AOPEP: variants seen among roughly 807,000 people sequenced by gnomAD.
AOPEP encodes aminopeptidase O (putative).
AOPEP carries 77 observed loss-of-function variants against 98.1 expected under a neutral mutation model. That is an observed-to-expected ratio of 0.78 (90% CI 0.65 to 0.95). The LOEUF is 0.95. AOPEP is among the 40% of genes least tolerant of loss of function. AOPEP has a pLI of 0.00. For synonymous variants in AOPEP, 346 were observed against 365.3 expected (o/e 0.95, Z 0.60); for missense variants, 1,024 against 1,024.7 (o/e 1.00, Z 0.01).
chr9:95,079,064 GGCTATCAGCCCCTCCCAGAGGCAT>G (rs1301793175), intron 14 of AOPEP, among the ~76,000 whole-genome samples: 1 of 152,230 alleles, frequency 6.6e-6, no homozygotes, highest in Non-Finnish European at 1.5e-5. Flanking sequence ...TGAGGGCAGA[GGCTATCAGCCCCTCCCAGAGGCAT>G]GCCACTTCAG....
chr9:95,044,342 A>G (rs984448721), intron 13 of AOPEP, among the ~76,000 whole-genome samples: 3 of 150,056 alleles, frequency 2.0e-5, no homozygotes, highest in African/African-American at 7.5e-5. Context: ...CTGCTACAAG[A>G]AGGTTACATT....
chr9:94,737,567 T>G (rs1308773444), intron 1 of AOPEP, among the ~76,000 whole-genome samples: 1 of 152,242 alleles, frequency 6.6e-6, no homozygotes, highest in Non-Finnish European at 1.5e-5. Context: ...TATTTTAGCC[T>G]TAACAACAGT....
At chr9:94,747,959 A>T (rs1208677190) in intron 1 of AOPEP, among the ~76,000 whole-genome samples, 6 of 152,220 alleles carry the variant, frequency 3.9e-5, no homozygotes, top group Non-Finnish European at 7.3e-5. Context: ...TAAATAAAAA[A>T]ATAGGAAATT....
intron 13 of AOPEP, 113 bp downstream of exon 13, chr9:95,005,729 A>G (rs2061961877): frequency 1.2e-6 from 1 of 807,238 alleles, no homozygotes; most frequent in Admixed American, 2.2e-5. Context: ...TTTTGTTATA[A>G]TAAACCATAG....
At chr9:95,051,974 A>T (rs374199280) in intron 13 of AOPEP, among the ~76,000 whole-genome samples, 68 of 152,304 alleles carry the variant, frequency 4.5e-4, no homozygotes, top group African/African-American at 1.6e-3. Context: ...AAGTGCTGGG[A>T]TTACAGGCGT....
chr9:95,006,116 A>G (rs1007315488), intron 13 of AOPEP: 2 of 471,200 alleles, frequency 4.2e-6, no homozygotes, highest in Admixed American at 2.4e-5. Context: ...TGTTTGCCCA[A>G]GTTTAGAATT....
chr9:95,145,671 C>T, the AOPEP span, among the ~76,000 whole-genome samples: 4 of 152,168 alleles, frequency 2.6e-5, no homozygotes, highest in Non-Finnish European at 5.9e-5. Context: ...AGCAGTGATA[C>T]TGCCGCACGC....
chr9:94,731,702 A>G (rs1400732447), intron 1 of AOPEP, among the ~76,000 whole-genome samples: 2 of 152,018 alleles, frequency 1.3e-5, no homozygotes, highest in Admixed American at 6.6e-5. Flanking sequence ...CTCGTTGGTA[A>G]AAGAAATGTC....
intron 5 of AOPEP, among the ~76,000 whole-genome samples, chr9:94,859,340 C>T (rs965717939): frequency 2.6e-5 from 4 of 152,216 alleles, no homozygotes; most frequent in Non-Finnish European, 5.9e-5. Flanking sequence ...GAACTAAGGT[C>T]ATCTTCAAAT....
chr9:94,958,653 A>G (rs1466016559), intron 9 of AOPEP, among the ~76,000 whole-genome samples: 12 of 152,146 alleles, frequency 7.9e-5, no homozygotes, highest in Admixed American at 7.9e-4. Context: ...GATTTTGAGC[A>G]CTTTTTATGT....
At chr9:95,064,591 G>A (rs1341383272) in intron 14 of AOPEP, among the ~76,000 whole-genome samples, 3 of 152,140 alleles carry the variant, frequency 2.0e-5, no homozygotes, top group East Asian at 1.9e-4. Context: ...GCCTGGCCTC[G>A]TCTACCTCTT....
the AOPEP span, chr9:95,099,176 C>T: frequency 4.6e-5 from 10 of 216,434 alleles, no homozygotes; most frequent in African/African-American, 6.8e-5. Flanking sequence ...GTTGGAGGGG[C>T]GCTCTCCGCC....
At chr9:94,828,194 G>A (rs1438541806) in intron 5 of AOPEP, among the ~76,000 whole-genome samples, 1 of 152,144 alleles carries the variant, frequency 6.6e-6, no homozygotes, top group Non-Finnish European at 1.5e-5. Flanking sequence ...GTCCTCTGAC[G>A]CACAGAAGTC....
At chr9:95,059,990 T>C (rs1347869967) in intron 13 of AOPEP, among the ~76,000 whole-genome samples, 1 of 152,180 alleles carries the variant, frequency 6.6e-6, no homozygotes. Flanking sequence ...TTCACATACA[T>C]TGTGTTTTAT....
intron 16 of AOPEP, among the ~76,000 whole-genome samples, chr9:95,084,637 C>T (rs1050612769): frequency 6.6e-6 from 1 of 152,236 alleles, no homozygotes; most frequent in Admixed American, 6.5e-5. Flanking sequence ...CACCACAGGG[C>T]ACACCCCTCG....
At chr9:94,950,237 A>G (rs1263417557) in intron 7 of AOPEP, among the ~76,000 whole-genome samples, 1 of 152,104 alleles carries the variant, frequency 6.6e-6, no homozygotes, top group Admixed American at 6.5e-5. Flanking sequence ...GGTTTAGTTG[A>G]TGCTACTGGA....
the AOPEP span, among the ~76,000 whole-genome samples, chr9:95,128,909 CTTT>C: frequency 2.1e-5 from 3 of 144,678 alleles, no homozygotes; most frequent in East Asian, 2.0e-4. Context: ...AACCAGTCTC[CTTT>C]TTTTTTTTTT....
At chr9:94,915,416 C>T (rs892858355) in intron 5 of AOPEP, among the ~76,000 whole-genome samples, 2 of 152,178 alleles carry the variant, frequency 1.3e-5, no homozygotes, top group South Asian at 2.1e-4. Context: ...TTGATTCTAA[C>T]GTGCTATTCC....
intron 13 of AOPEP, among the ~76,000 whole-genome samples, chr9:95,038,128 A>G (rs1042324050): frequency 1.6e-4 from 25 of 152,322 alleles, no homozygotes; most frequent in Admixed American, 1.4e-3. Flanking sequence ...AGAAGAACCT[A>G]AGTTTTCTGG....
Sources: allele counts gnomAD v4.1 joint callset (sites outside exome capture counted in the v4.1 genomes callset), GRCh38; gene constraint gnomAD v4.1.1; transcripts MANE v1.5; gene names NCBI Gene and HGNC (gene_info 2026-07-23, HGNC 2026-07-21).